The following DOCK2 variants were observed in gnomAD, a reference collection of about 807,000 sequenced individuals.
DOCK2 encodes the protein dedicator of cytokinesis 2.
Under a neutral mutation model 248.9 loss-of-function variants are expected in DOCK2, and 87 were observed. The ratio of observed to expected loss-of-function variants is 0.35; its 90% CI spans 0.29 to 0.42. The LOEUF is 0.42. Ranked by LOEUF, DOCK2 falls within the 10% of genes least tolerant of loss-of-function variation. DOCK2 has a pLI of 1.00. For synonymous variants in DOCK2, 805 were observed against 821.6 expected (o/e 0.98, Z 0.35); for missense variants, 1,747 against 2,300.2 (o/e 0.76, Z 4.92).
chr5:169,880,795 A>C (rs186078437), intron 27 of DOCK2, among the ~76,000 whole-genome samples: 13 of 152,340 alleles, frequency 8.5e-5, no homozygotes, highest in Admixed American at 5.9e-4. Context: ...CCAAGTTTAC[A>C]CTGTATATCA....
Position 169,787,459 on chromosome 5 carries a change from A to G in DOCK2, c.2555-15599A>G, listed in dbSNP as rs138669264. The stretch of plus-strand genomic sequence containing the variant: ...AATCCTGTCCCCCAGCTCCCACCCA[A>G]CTGTCACTACTTGAAATTTTGACAA... On this transcript the variant is annotated intron_variant, in intron 25 of 51. Coordinates refer to ENST00000520908, the MANE Select transcript of DOCK2 (RefSeq NM_004946.3). Among the ~76,000 whole-genome samples, 432 of 152,190 alleles carry G rather than the reference A, an allele frequency of 2.8e-3. 3 individuals carry two copies. The highest frequency in any genetic ancestry group is 9.9e-3 in the African/African-American group (411 of 41,504).
intron 9 of DOCK2, among the ~76,000 whole-genome samples, chr5:169,693,820 T>A (rs987431407): frequency 1.3e-5 from 2 of 152,172 alleles, no homozygotes; most frequent in African/African-American, 4.8e-5. Flanking sequence ...CAGGCAGGAT[T>A]TCTATACTAC....
At chr5:169,677,235 C>A (rs1759382958) in intron 6 of DOCK2, among the ~76,000 whole-genome samples, 1 of 152,210 alleles carries the variant, frequency 6.6e-6, no homozygotes, top group African/African-American at 2.4e-5. Flanking sequence ...TTGTCAAACT[C>A]CCTAACAATA....
chr5:169,758,554 C>T (rs901402584), intron 23 of DOCK2, among the ~76,000 whole-genome samples: 1 of 152,102 alleles, frequency 6.6e-6, no homozygotes, highest in African/African-American at 2.4e-5. Context: ...AGTAAGGTGA[C>T]CATGTAGCTT....
intron 5 of DOCK2, among the ~76,000 whole-genome samples, chr5:169,671,833 C>T (rs541909406): frequency 9.9e-5 from 15 of 152,130 alleles, no homozygotes; most frequent in Non-Finnish European, 1.8e-4. Context: ...ACTTACCTTT[C>T]GTGGTCTTAA....
intron 25 of DOCK2, among the ~76,000 whole-genome samples, chr5:169,772,566 G>A (rs1005770944): frequency 6.6e-6 from 1 of 152,136 alleles, no homozygotes; most frequent in African/African-American, 2.4e-5. Context: ...GAGATCTTGG[G>A]CATGTCCCTT....
chr5:169,723,632 T>C (rs370340910), intron 22 of DOCK2, among the ~76,000 whole-genome samples: 2 of 152,274 alleles, frequency 1.3e-5, no homozygotes, highest in East Asian at 3.9e-4. Flanking sequence ...AGCTCCTTCC[T>C]TCCTTGAAGA....
At chr5:169,721,028 ACTCT>A (rs1762172990) in intron 22 of DOCK2, among the ~76,000 whole-genome samples, 1 of 151,846 alleles carries the variant, frequency 6.6e-6, no homozygotes, top group Admixed American at 6.6e-5. Context: ...AGCCAGTATA[ACTCT>A]CTCATGTCTT....
In DOCK2 at chr5:169,866,989, G is replaced by A. The variant is rs753496545; in HGVS notation, c.2799+26137G>A. Among the ~76,000 whole-genome samples, 16 of 152,282 alleles carry A rather than the reference G, an allele frequency of 1.1e-4. 1 individual carries two copies. In the South Asian group the frequency reaches 2.5e-3, roughly 24 times the overall value. Reference sequence around the variant, plus strand: ...AAGACTTCCCCCCACTTACAAGTCCGGGACCTTGGAACTTCTGACTGACTA... The same window carrying A: ...AAGACTTCCCCCCACTTACAAGTCCAGGACCTTGGAACTTCTGACTGACTA... On this transcript the variant is annotated intron_variant, in intron 27 of 51. Coordinates refer to ENST00000520908, the MANE Select transcript of DOCK2 (RefSeq NM_004946.3).
chr5:169,922,962 T>C (rs534266078), intron 27 of DOCK2, among the ~76,000 whole-genome samples: 1 of 152,378 alleles, frequency 6.6e-6, no homozygotes, highest in Admixed American at 6.5e-5. Context: ...AAGCACTTTG[T>C]AAATATCGAA....
rs1223116757 is a variant in DOCK2, at chr5:169,654,280, G to A, written c.44-123G>A. ...TGGCAGGCAATAGGTTTCTGTGTTG[G>A]TTTTGTTTAGCCCAGGTGGGCTGCG... On this transcript the variant is annotated intron_variant, in intron 1 of 51. Transcript: ENST00000520908. The A allele has an allele frequency of 4.8e-6, 5 of 1,047,960 alleles. No individual in the cohort carries two copies. The East Asian group carries it at 9.8e-5, about 21-fold the overall frequency. The allele number at this position is 1,047,960 out of a possible 1,614,324, so 64.9% of individuals were successfully genotyped here.
chr5:169,665,971 A>G (rs2113257371), intron 2 of DOCK2, among the ~76,000 whole-genome samples: 1 of 152,324 alleles, frequency 6.6e-6, no homozygotes, highest in East Asian at 1.9e-4. Flanking sequence ...TTTCCAAAAG[A>G]ATTGTAAAAA....
At chr5:169,721,179 G>A (rs900550399) in intron 22 of DOCK2, among the ~76,000 whole-genome samples, 3 of 152,234 alleles carry the variant, frequency 2.0e-5, no homozygotes, top group Non-Finnish European at 2.9e-5. Context: ...GTGCTGCTGT[G>A]ACGTAAATGC....
chr5:169,821,652 G>A (rs1178967573), intron 26 of DOCK2, among the ~76,000 whole-genome samples: 1 of 152,186 alleles, frequency 6.6e-6, no homozygotes, highest in Non-Finnish European at 1.5e-5. Context: ...ACCAGTACCA[G>A]CCACTGCAAA....
At position 170,079,135 on chromosome 5, in the gene DOCK2, G is replaced by T; in HGVS notation, c.5155G>T (p.Asp1719Tyr). 2 of 1,613,466 alleles carry T rather than the reference G, an allele frequency of 1.2e-6. No homozygotes were observed. The highest frequency in any genetic ancestry group is 1.1e-5 in the South Asian group (1 of 91,018). ...FADEKAAAES[D>Y]LKRLSRKHEF... ...GGATGAGAAAGCAGCTGCAGAGTCG[G>T]ACCTGAAGCGGGTGAGTGGCTGAGG... Residue 1719 changes from aspartate to tyrosine, a missense_variant, in exon 49 of 52, where the codon GAC (aspartate) becomes TAC (tyrosine). This residue lies in a region of DOCK2 where 513 missense variants were observed against 586.1 expected (regional missense o/e 0.88). Coordinates refer to ENST00000520908, the MANE Select transcript of DOCK2 (RefSeq NM_004946.3).
At position 170,049,210 on chromosome 5, in the gene DOCK2, G is replaced by A. The variant is rs747202866; in HGVS notation, c.4072-1046G>A. Among the ~76,000 whole-genome samples, 38 of 152,210 alleles carry A rather than the reference G, an allele frequency of 2.5e-4. 1 individual carries two copies. The highest frequency in any genetic ancestry group is 9.2e-4 in the Admixed American group (14 of 15,284). On this transcript the variant is annotated intron_variant, in intron 40 of 51. Coordinates refer to ENST00000520908, the MANE Select transcript of DOCK2 (RefSeq NM_004946.3). Reference sequence around the variant, plus strand: ...GCTCACTGCAACCTCTGCCTCCTGGGTTCAAGCTATTATCCTGCCTCATCC... The same window carrying A: ...GCTCACTGCAACCTCTGCCTCCTGGATTCAAGCTATTATCCTGCCTCATCC...
rs756242440 is a variant in DOCK2, at chr5:170,042,018, G to A, written c.3762G>A (p.Ser1254=). ...CCTGTGTCTTCTCTTCACAGTGGTC[G>A]GATGAGCAGTGTGCATCACAGGTCA... ...LLLHTWLLKW[S]DEQCASQVMQ... is the part of the protein sequence containing the mutation. The change falls in exon 38 of 52, where the codon TCG becomes TCA. Residue 1254 remains serine, a synonymous_variant. Coordinates refer to ENST00000520908, the MANE Select transcript of DOCK2 (RefSeq NM_004946.3). 11 of 1,613,046 alleles carry A rather than the reference G, an allele frequency of 6.8e-6. No individual in the cohort carries two copies. Among genetic ancestry groups the A allele is most frequent in the East Asian group, 6.7e-5 (3 of 44,824 alleles).
chr5:169,870,372 A>G (rs775334717), intron 27 of DOCK2, among the ~76,000 whole-genome samples: 6 of 152,144 alleles, frequency 3.9e-5, no homozygotes, highest in Non-Finnish European at 5.9e-5. Flanking sequence ...GGAAGAAGAA[A>G]CAGTGAGTAA....
intron 27 of DOCK2, among the ~76,000 whole-genome samples, chr5:169,922,586 A>G (rs1181343893): frequency 6.6e-6 from 1 of 152,218 alleles, no homozygotes; most frequent in Non-Finnish European, 1.5e-5. Context: ...TTTGCAGTTT[A>G]GAGAATATCA....
Sources: allele counts gnomAD v4.1 joint callset (sites outside exome capture counted in the v4.1 genomes callset), GRCh38; gene constraint gnomAD v4.1.1; regional missense constraint gnomAD v4.1.1; transcripts MANE v1.5; gene names NCBI Gene and HGNC (gene_info 2026-07-23, HGNC 2026-07-21).